The following NEB variants were observed in gnomAD, a reference collection of about 807,000 sequenced individuals.
The protein encoded by NEB is nebulin.
NEB carries 512 observed loss-of-function variants against 952.2 expected under a neutral mutation model. The ratio of observed to expected loss-of-function variants is 0.54; its 90% CI spans 0.50 to 0.58. The LOEUF (loss-of-function observed/expected upper bound fraction) is 0.58, where lower values mean the gene tolerates loss of function less well. Ranked by LOEUF, NEB falls within the 20% of genes least tolerant of loss-of-function variation. The pLI, the probability that NEB is intolerant of heterozygous loss-of-function variation, is 0.00. For missense variants in NEB, 8,428 were observed against 9,231.1 expected, an observed-to-expected ratio of 0.91 and a Z score of 3.56; for synonymous variants, 2,900 against 3,149.8, an observed-to-expected ratio of 0.92 and a Z score of 2.66.
Position 151,501,466 on chromosome 2 carries a change from G to C in NEB, c.23946C>G (p.Asn7982Lys), listed in dbSNP as rs2153073491. Residue 7982 changes from asparagine to lysine, a missense_variant, in exon 168 of 182, where the codon AAC becomes AAG. By Grantham distance (94) the Asn-to-Lys change is moderately conservative. Transcript: ENST00000397345. The part of the protein sequence containing the change: ...ENFSSILYKE[N>K]LSKGTPLPVT... The stretch of plus-strand genomic sequence containing the variant: ...CAGGTAGGGGAGTCCCCTTGCTCAA[G>C]TTCTCTTTGTACAATATCTGTGTGC... 1 of 1,525,872 alleles carries C rather than the reference G, an allele frequency of 6.6e-7. No individual in the cohort carries two copies. The highest frequency in any genetic ancestry group is 2.1e-5 in the Admixed American group (1 of 48,710). 94.5% of individuals were successfully genotyped at this position (1,525,872 alleles called of 1,614,324 possible).
Position 151,551,625 on chromosome 2 carries a change from G to A in NEB, c.19944+113C>T, listed in dbSNP as rs1577181933. 6.4e-5 allele frequency: 51 copies of A among 793,990 alleles called. 3 individuals carry two copies. Among genetic ancestry groups the A allele is most frequent in the Middle Eastern group, 5.9e-4 (2 of 3,386 alleles). 49.2% of individuals were successfully genotyped at this position (793,990 alleles called of 1,614,324 possible). A position where few individuals can be genotyped will look rare whatever the true frequency, so the allele number is the denominator to read the frequency against. On this transcript the variant is annotated intron_variant, in intron 129 of 181. Coordinates refer to ENST00000397345, the MANE Select transcript of NEB (RefSeq NM_001164508.2). ...GTGTTTTTGTTTTTTCACCTCATGT[G>A]AATAGAACAGCATTTATACAAGGTC...
intron 13 of NEB, among the ~76,000 whole-genome samples, chr2:151,699,674 T>A (rs2099630645): frequency 1.3e-5 from 1 of 78,482 alleles, no homozygotes; most frequent in African/African-American, 5.2e-5. Flanking sequence ...TTGAGAAGTG[T>A]CTGTTCATGT....
In NEB at chr2:151,503,358, G is replaced by A; in HGVS notation, c.23826C>T (p.Asn7942=). 6.2e-7 allele frequency: 1 copy of A among 1,608,766 alleles called. No individual in the cohort carries two copies. The highest frequency in any genetic ancestry group is 1.1e-5 in the South Asian group (1 of 90,678). The change falls in exon 166 of 182, where the codon AAC becomes AAT. Residue 7942 remains asparagine (N), a synonymous_variant. Transcript: ENST00000397345. ...EIERVKRNQE[N]FSSVLYKENL... ...ATATATTTGTAAATACCGAGCTAAAGTTCTCTTGATTGCGTTTGACTCTCT... is the reference window on the plus strand; with the variant it reads ...ATATATTTGTAAATACCGAGCTAAAATTCTCTTGATTGCGTTTGACTCTCT...
Position 151,672,408 on chromosome 2 carries a change from A to C in NEB, c.4260T>G (p.Ser1420Arg). 6.2e-7 allele frequency: 1 copy of C among 1,611,270 alleles called. No individual in the cohort carries two copies. Among genetic ancestry groups the C allele is most frequent in the Non-Finnish European group, 8.5e-7 (1 of 1,177,740 alleles). The change falls in exon 37 of 182, where the codon AGT becomes AGG. Residue 1420 changes from serine to arginine, a missense_variant. By Grantham distance (110) the Ser-to-Arg change is moderately radical. This residue lies in a region of NEB where 2,851 missense variants were observed against 2,791.5 expected (regional missense o/e 1.02). Transcript: ENST00000397345. ...HHYTYLPDAM[S>R]LEHTRNVNQI... ...GATTGACATTCCTCGTATGCTCAAG[A>C]CTCATGGCGTCAGGTAGGTATGTGT...
intron 121 of NEB, 61 bp from the exon 122 acceptor site, chr2:151,561,373 C>G (rs2096032834): frequency 8.7e-7 from 1 of 1,145,724 alleles, no homozygotes; most frequent in South Asian, 1.3e-5. Flanking sequence ...TCAGCTGTAG[C>G]TGCTTGTGCC....
At chr2:151,567,508 C>G (rs1201884309) in intron 113 of NEB, 29 bp from the exon 114 acceptor site, 7 of 1,559,700 alleles carry the variant, frequency 4.5e-6, no homozygotes, top group Non-Finnish European at 6.1e-6. Flanking sequence ...TAAATTCCAT[C>G]AGTTTTGACA....
In NEB at chr2:151,692,061, C is replaced by T. The variant is rs1287018538; in HGVS notation, c.2104G>A (p.Asp702Asn). 1.2e-6 allele frequency: 2 copies of T among 1,613,476 alleles called. No homozygotes were observed. Among genetic ancestry groups the T allele is most frequent in the African/African-American group, 2.7e-5 (2 of 74,924 alleles). ...HCMKVAAQNS[D>N]KSYKAEYEED... Reference sequence around the variant, plus strand: ...TGAACCATTGTCTTCAAACTTACATCACTGTTTTGAGCTGCAACTTTCATG... The same window carrying T: ...TGAACCATTGTCTTCAAACTTACATTACTGTTTTGAGCTGCAACTTTCATG... Residue 702 changes from aspartate (D) to asparagine (N), a missense_variant and splice_region_variant, in exon 22 of 182, where the codon GAT (aspartate) becomes AAT (asparagine). Asp to Asn is a conservative substitution (Grantham distance 23, BLOSUM62 1). This residue lies in a region of NEB where 2,851 missense variants were observed against 2,791.5 expected (regional missense o/e 1.02). Coordinates refer to ENST00000397345, the MANE Select transcript of NEB (RefSeq NM_001164508.2).
chr2:151,724,379 C>T lies in NEB; in HGVS notation c.508-15G>A. On this transcript the variant is annotated splice_polypyrimidine_tract_variant and intron_variant, in intron 7 of 181. Coordinates refer to ENST00000397345, the MANE Select transcript of NEB (RefSeq NM_001164508.2). ...TTGTATAAAACCTAGACAGAAGGAG[C>T]AGAGGATCTGTGGCTTGAGGTCTCA... 6.3e-7 allele frequency: 1 copy of T among 1,587,010 alleles called. No individual in the cohort carries two copies. The highest frequency in any genetic ancestry group is 8.6e-7 in the Non-Finnish European group (1 of 1,160,308).
intron 163 of NEB, 154 bp from the exon 164 acceptor site, chr2:151,506,412 C>T: frequency 1.6e-6 from 1 of 624,540 alleles, no homozygotes; most frequent in Non-Finnish European, 2.9e-6. Context: ...ATTTCCATGT[C>T]AGTATCAGTG....
rs778006991 is a variant in NEB at position 151,696,670 on chromosome 2, T to G, written c.1536A>C (p.Leu512=). 9.3e-6 allele frequency: 15 copies of G among 1,613,868 alleles called. No homozygotes were observed. The highest frequency in any genetic ancestry group is 1.3e-5 in the Non-Finnish European group (15 of 1,179,786). ...FTQVTDSPVL[L]QAQVNSKQLS... ...GTTGTTTGGAATTGACTTGGGCTTG[T>G]AGCAGAACAGGAGAGTCTGTAACTT... The change falls in exon 17 of 182, where the codon CTA becomes CTC. Residue 512 remains leucine, a synonymous_variant. Transcript: ENST00000397345.
Position 151,655,330 on chromosome 2 carries a change from A to T in NEB, c.6747T>A (p.His2249Gln). 6.2e-7 allele frequency: 1 copy of T among 1,602,652 alleles called. No homozygotes were observed. Among genetic ancestry groups the T allele is most frequent in the Non-Finnish European group, 8.5e-7 (1 of 1,172,160 alleles). The change falls in exon 51 of 182, where the codon CAT becomes CAA. Residue 2249 changes from histidine (H) to glutamine (Q), a missense_variant. This residue lies in a region of NEB where 2,851 missense variants were observed against 2,791.5 expected (regional missense o/e 1.02). Coordinates refer to ENST00000397345, the MANE Select transcript of NEB (RefSeq NM_001164508.2). Reference protein sequence around the residue: ...IDWNKDKTKIHVMPDTPDILQ... With the variant: ...IDWNKDKTKIQVMPDTPDILQ... ...AAATATCTGGTGTATCAGGCATCAC[A>T]TGAATCTTGGTCTTATCTTTATTCC...
rs1435980710 is a variant in NEB at position 151,627,207 on chromosome 2, T to C, written c.10144-2A>G. On this transcript the variant is annotated splice_acceptor_variant, in intron 69 of 181. Coordinates refer to ENST00000397345, the MANE Select transcript of NEB (RefSeq NM_001164508.2). LOFTEE classifies it high-confidence loss of function. ...CTGGAGATCAGATTTGTAAATGTTC[T>C]GGAGAGATTAAACACAAAAGCGAGT... 6.2e-7 allele frequency: 1 copy of C among 1,611,482 alleles called. No homozygotes were observed. The highest frequency in any genetic ancestry group is 1.7e-5 in the Admixed American group (1 of 59,912).
chr2:151,690,935 C>T, intron 23 of NEB, 110 bp from the exon 24 acceptor site: 3 of 766,920 alleles, frequency 3.9e-6, no homozygotes, highest in Non-Finnish European at 6.7e-6. Flanking sequence ...TTCCTGAAAA[C>T]TTAGTTGATG....
In NEB at chr2:151,492,721, A is replaced by G. The variant is rs369807844; in HGVS notation, c.24766-227T>C. 10 of 358,610 alleles carry G rather than the reference A, an allele frequency of 2.8e-5. No homozygotes were observed. The South Asian group carries it at 8.8e-4, about 31-fold the overall frequency. 22.2% of individuals were successfully genotyped at this position (358,610 alleles called of 1,614,324 possible). A position where few individuals can be genotyped will look rare whatever the true frequency, so the allele number is the denominator to read the frequency against. On this transcript the variant is annotated intron_variant, in intron 176 of 181. Transcript: ENST00000397345. ...GACTTCGAAAATGAAACTCATTTTC[A>G]AAGAAGGGGCACGGTATAATTTTGA...
Position 151,499,299 on chromosome 2 carries a change from G to T in NEB, c.24113C>A (p.Ser8038Ter), listed in dbSNP as rs1458048713. Residue 8038 changes from serine to a stop codon, truncating the protein, a stop_gained and splice_region_variant, in exon 169 of 182, where the codon TCG becomes TAG. Coordinates refer to ENST00000397345, the MANE Select transcript of NEB (RefSeq NM_001164508.2). LOFTEE classifies it high-confidence loss of function. ...RVKHNQENFSSVLYKENLGTG... is the reference protein window; with the variant it reads ...RVKHNQENFS The stretch of plus-strand genomic sequence containing the variant: ...AAGGGATTTTTTATTTTTAAATACC[G>T]AACTAAAGTTTTCTTGATTGTGTTT... The T allele has an allele frequency of 3.6e-5, 53 of 1,463,804 alleles. No individual in the cohort carries two copies. Among genetic ancestry groups the T allele is most frequent in the Non-Finnish European group, 4.6e-5 (50 of 1,083,300 alleles). The allele number at this position is 1,463,804 out of a possible 1,614,324, so 90.7% of individuals were successfully genotyped here. A position where few individuals can be genotyped will look rare whatever the true frequency, so the allele number is the denominator to read the frequency against.
intron 71 of NEB, among the ~76,000 whole-genome samples, chr2:151,623,540 C>A (rs1440040444): frequency 6.6e-6 from 1 of 152,048 alleles, no homozygotes; most frequent in Non-Finnish European, 1.5e-5. Flanking sequence ...GCTACAGATG[C>A]ATTTAATATT....
Position 151,697,640 on chromosome 2 carries a change from G to C in NEB, c.1161C>G (p.Tyr387Ter), listed in dbSNP as rs1259297878. Residue 387 changes from tyrosine to a stop codon, truncating the protein, a stop_gained, in exon 14 of 182, where the codon TAC (tyrosine) becomes TAG (stop). Transcript: ENST00000397345. LOFTEE classifies it high-confidence loss of function. ...AAGDALSDKL[Y>*]KENYEKTKAK... ...CTTTTGTCTTTTCATAGTTTTCCTT[G>C]TATAGTTTCTGTCAAAGAAAAAAAA... The C allele has an allele frequency of 1.2e-6, 2 of 1,601,024 alleles. No homozygotes were observed. Among genetic ancestry groups the C allele is most frequent in the Admixed American group, 3.6e-5 (2 of 56,278 alleles).
chr2:151,723,330 C>A, intron 9 of NEB, 52 bp downstream of exon 9: 1 of 1,338,204 alleles, frequency 7.5e-7, no homozygotes, highest in Non-Finnish European at 1.0e-6. Context: ...ATATGTAATT[C>A]AAGTTCCCCT....
At chr2:151,573,847 C>T (rs558265511) in intron 107 of NEB, among the ~76,000 whole-genome samples, 135 of 152,222 alleles carry the variant, frequency 8.9e-4, no homozygotes, top group African/African-American at 3.0e-3. Context: ...TTATCTTGTA[C>T]TCACAAATAG....
Sources: gnomAD v4.1 joint callset for allele counts (sites outside exome capture counted in the v4.1 genomes callset) on GRCh38, gnomAD v4.1.1 for gene constraint, gnomAD v4.1.1 regional missense constraint, MANE v1.5 for transcripts, NCBI Gene and HGNC (gene_info 2026-07-23, HGNC 2026-07-21) for gene names.